The following COL26A1 variants were observed in gnomAD, a reference collection of about 807,000 sequenced individuals.
COL26A1 encodes collagen type XXVI alpha 1 chain, also known as collagen alpha-1(XXVI) chain.
A neutral mutation model predicts 59.3 loss-of-function variants in COL26A1; 41 were observed. That is an observed-to-expected ratio of 0.69 (90% CI 0.54 to 0.90). The LOEUF (loss-of-function observed/expected upper bound fraction) is 0.90. Among genes scored for constraint, COL26A1 ranks in the 40% least tolerant of loss-of-function variants. The pLI is 0.00. For missense variants in COL26A1, 612 were observed against 602.3 expected (o/e 1.02, Z -0.17); for synonymous variants, 266 against 256.0 (o/e 1.04, Z -0.37).
At chr7:101,469,341 C>T (rs774758016) in intron 3 of COL26A1, among the ~76,000 whole-genome samples, 1 of 152,092 alleles carries the variant, frequency 6.6e-6, no homozygotes, top group Admixed American at 6.6e-5. Context: ...CTGACACCAC[C>T]ACCATTCCAT....
Position 101,525,968 on chromosome 7 carries a change from C to G in COL26A1, c.386-7114C>G, listed in dbSNP as rs940425292. Reference sequence around the variant, plus strand: ...CAGCCAGTCTCCTTGGGGACAGCCACAGTGGGCCATGCTGCCCTCCTATTG... The same window carrying G: ...CAGCCAGTCTCCTTGGGGACAGCCAGAGTGGGCCATGCTGCCCTCCTATTG... On this transcript the variant is annotated intron_variant, in intron 3 of 12. Transcript: ENST00000313669. Among the ~76,000 whole-genome samples the G allele has an allele frequency of 7.2e-5, 11 of 152,214 alleles. No homozygotes were observed. The South Asian group carries it at 2.1e-3, about 29-fold the overall frequency.
rs538461662 is a variant in COL26A1 at position 101,419,979 on chromosome 7, A to G, written c.161A>G (p.His54Arg). The stretch of plus-strand genomic sequence containing the variant: ...TGTGACTGTTGCTCTCTCCACAGGC[A>G]CTGGTGCCATCACACAGTGACACGG... ...SPGSGYASRRHWCHHTVTRTV... is the reference protein window; with the variant it reads ...SPGSGYASRRRWCHHTVTRTV... The change falls in exon 2 of 13, where the codon CAC becomes CGC. Residue 54 changes from histidine (H) to arginine (R), a missense_variant and splice_region_variant. By Grantham distance (29) the His-to-Arg change is conservative (BLOSUM62 0). Coordinates refer to ENST00000313669, the MANE Select transcript of COL26A1 (RefSeq NM_001278563.3). The G allele has an allele frequency of 1.2e-4, 194 of 1,613,552 alleles. No individual in the cohort carries two copies. The South Asian group carries it at 2.0e-3, about 17-fold the overall frequency.
chr7:101,547,649 T>C (rs563904474), intron 8 of COL26A1, among the ~76,000 whole-genome samples: 115 of 152,334 alleles, frequency 7.5e-4, no homozygotes, highest in African/African-American at 2.3e-3. Context: ...ACATTCCTCA[T>C]TGGGGGAAGA....
chr7:101,539,297 T>TGTGTGTGTGTGTGTGTGTGTGTGTGC, intron 4 of COL26A1, among the ~76,000 whole-genome samples: 1 of 76,202 alleles, frequency 1.3e-5, no homozygotes, highest in Non-Finnish European at 2.4e-5. Flanking sequence ...TGTGTGTATG[T>TGTGTGTGTGTGTGTGTGTGTGTGTGC]GTGTGTGTGT....
In COL26A1 at chr7:101,362,911, A is replaced by C; in HGVS notation, c.-122A>C. On this transcript the variant is annotated 5_prime_UTR_variant, in exon 1 of 13. Coordinates refer to ENST00000313669, the MANE Select transcript of COL26A1 (RefSeq NM_001278563.3). ...ATTTCCAGCTCGCACCCGGGCTCCG[A>C]CCGCTCGCCCCGCTCCTCTCGCTGT... The C allele has an allele frequency of 1.9e-6, 2 of 1,054,054 alleles. No homozygotes were observed. Among genetic ancestry groups the C allele is most frequent in the Non-Finnish European group, 1.3e-6 (1 of 769,936 alleles). 65.3% of individuals were successfully genotyped at this position (1,054,054 alleles called of 1,614,324 possible). A position where few individuals can be genotyped will look rare whatever the true frequency, so the allele number is the denominator to read the frequency against.
chr7:101,539,296 G>A (rs1186432116), intron 4 of COL26A1, among the ~76,000 whole-genome samples: 8 of 75,176 alleles, frequency 1.1e-4, no homozygotes, highest in South Asian at 3.4e-4. Context: ...GTGTGTGTAT[G>A]TGTGTGTGTG....
chr7:101,372,280 C>T lies in COL26A1; in HGVS notation c.158+9090C>T, dbSNP rs533235462. Among the ~76,000 whole-genome samples, 25 of 152,130 alleles carry T rather than the reference C, an allele frequency of 1.6e-4. No individual in the cohort carries two copies. In the East Asian group the frequency reaches 4.7e-3, roughly 28 times the overall value. On this transcript the variant is annotated intron_variant, in intron 1 of 12. Coordinates refer to ENST00000313669, the MANE Select transcript of COL26A1 (RefSeq NM_001278563.3). ...TCCAGGGTTCAAGCGATTGTCCTGCCCCAGCCTCCCAAGTAGCTGGGATTA... is the reference window on the plus strand; with the variant it reads ...TCCAGGGTTCAAGCGATTGTCCTGCTCCAGCCTCCCAAGTAGCTGGGATTA...
At chr7:101,429,279 T>A (rs952307869) in intron 2 of COL26A1, among the ~76,000 whole-genome samples, 1 of 152,140 alleles carries the variant, frequency 6.6e-6, no homozygotes, top group African/African-American at 2.4e-5. Flanking sequence ...AAATTCATCA[T>A]ACATTTTGAG....
intron 1 of COL26A1, among the ~76,000 whole-genome samples, chr7:101,382,094 G>A (rs140508670): frequency 1.1e-3 from 169 of 152,184 alleles, no homozygotes; most frequent in African/African-American, 4.0e-3. Context: ...TGTTTCCTGG[G>A]CTAGAGTGCA....
chr7:101,432,092 C>T (rs1291795384), intron 2 of COL26A1, among the ~76,000 whole-genome samples: 7 of 151,356 alleles, frequency 4.6e-5, no homozygotes, highest in South Asian at 2.1e-4. Context: ...TCCCGAGTAG[C>T]GGGGATTACA....
At chr7:101,442,850 C>T (rs1217847945) in intron 2 of COL26A1, among the ~76,000 whole-genome samples, 1 of 151,918 alleles carries the variant, frequency 6.6e-6, no homozygotes, top group Admixed American at 6.6e-5. Flanking sequence ...TGTGTGAGTG[C>T]GTGTGTGGAA....
chr7:101,458,357 C>T (rs79704020), intron 3 of COL26A1, among the ~76,000 whole-genome samples: 4,079 of 152,134 alleles, frequency 0.027, 81 homozygotes, highest in South Asian at 0.046. Flanking sequence ...TACTTTAGGC[C>T]GGGCACAGTG....
At chr7:101,368,578 T>C (rs1395619898) in intron 1 of COL26A1, among the ~76,000 whole-genome samples, 1 of 152,218 alleles carries the variant, frequency 6.6e-6, no homozygotes, top group Non-Finnish European at 1.5e-5. Flanking sequence ...GGGCAGTTTA[T>C]GCAGGAATTT....
At chr7:101,404,887 G>GGC (rs1792091306) in intron 1 of COL26A1, among the ~76,000 whole-genome samples, 1 of 149,844 alleles carries the variant, frequency 6.7e-6, no homozygotes, top group South Asian at 2.1e-4. Context: ...GGGTCACAGA[G>GGC]TGAGATTTTG....
At chr7:101,532,586 C>G (rs1185238133) in intron 3 of COL26A1, among the ~76,000 whole-genome samples, 2 of 152,204 alleles carry the variant, frequency 1.3e-5, no homozygotes, top group African/African-American at 4.8e-5. Flanking sequence ...GATGCCACTG[C>G]CTCCAGGACG....
chr7:101,498,992 G>T (rs1425402967), intron 3 of COL26A1, among the ~76,000 whole-genome samples: 2 of 152,240 alleles, frequency 1.3e-5, no homozygotes, highest in East Asian at 3.9e-4. Context: ...TCATTTTGGA[G>T]CTCACGTTCC....
chr7:101,394,563 C>T (rs535130593), intron 1 of COL26A1, among the ~76,000 whole-genome samples: 35 of 151,128 alleles, frequency 2.3e-4, no homozygotes, highest in African/African-American at 6.3e-4. Flanking sequence ...TGTACCACCA[C>T]GCCTAGCTAT....
intron 3 of COL26A1, among the ~76,000 whole-genome samples, chr7:101,451,373 T>C (rs1793334673): frequency 6.8e-6 from 1 of 147,096 alleles, no homozygotes; most frequent in Non-Finnish European, 1.5e-5. Context: ...ATAAATTATA[T>C]ATAATGTTAT....
intron 1 of COL26A1, among the ~76,000 whole-genome samples, chr7:101,391,196 G>C (rs1196259618): frequency 1.3e-5 from 2 of 152,228 alleles, no homozygotes; most frequent in African/African-American, 2.4e-5. Flanking sequence ...TGGGGGCAAG[G>C]CAGGAGTTTC....
Sources: gnomAD v4.1 joint callset for allele counts (sites outside exome capture counted in the v4.1 genomes callset) on GRCh38, gnomAD v4.1.1 for gene constraint, MANE v1.5 for transcripts, NCBI Gene and HGNC (gene_info 2026-07-23, HGNC 2026-07-21) for gene names.